The following P2RY12 variants were observed in gnomAD, a reference collection of about 807,000 sequenced individuals.
The protein encoded by P2RY12 is P2Y purinoceptor 12.
In P2RY12, 3 loss-of-function variants were observed where a neutral mutation model predicts 4.5. That is an observed-to-expected ratio of 0.67 (90% CI 0.31 to 1.74). P2RY12 has a LOEUF of 1.74. P2RY12 is among the 40% of genes most tolerant of loss of function. The probability of loss-of-function intolerance (pLI) is 0.09; values close to 1 mark genes in which losing one functional copy is unlikely to be tolerated. For synonymous variants in P2RY12, 148 were observed against 154.1 expected (o/e 0.96, Z 0.29); for missense variants, 356 against 407.8 (o/e 0.87, Z 1.09).
chr3:151,371,713 C>T (rs2108011490), intron 1 of P2RY12, among the ~76,000 whole-genome samples: 1 of 152,268 alleles, frequency 6.6e-6, no homozygotes, highest in Non-Finnish European at 1.5e-5. Context: ...TTGTCAAGGC[C>T]TATGATCCTG....
chr3:151,369,586 AC>A, intron 1 of P2RY12: 1 of 1,357,952 alleles, frequency 7.4e-7, no homozygotes, highest in Non-Finnish European at 1.0e-6. Flanking sequence ...TTGGTTAATC[AC>A]CAGAAATGAA....
chr3:151,374,934 TA>T (rs200230535), intron 1 of P2RY12, among the ~76,000 whole-genome samples: 11 of 151,544 alleles, frequency 7.3e-5, no homozygotes, highest in African/African-American at 2.2e-4. Context: ...AGTTCTCTTA[TA>T]AAAAAAAAGT....
chr3:151,346,948 A>G (rs932866638), intron 1 of P2RY12, among the ~76,000 whole-genome samples: 1 of 152,186 alleles, frequency 6.6e-6, no homozygotes, highest in Non-Finnish European at 1.5e-5. Flanking sequence ...ATAGATTAAT[A>G]ATAATTACTT....
chr3:151,374,181 C>A (rs1577484751), intron 1 of P2RY12, among the ~76,000 whole-genome samples: 1 of 152,138 alleles, frequency 6.6e-6, no homozygotes, highest in East Asian at 1.9e-4. Context: ...TAAAATGTTA[C>A]ACATGGCCGG....
chr3:151,382,072 T>C (rs1380179261), intron 1 of P2RY12, among the ~76,000 whole-genome samples: 1 of 152,186 alleles, frequency 6.6e-6, no homozygotes, highest in African/African-American at 2.4e-5. Flanking sequence ...AATTTTTCCT[T>C]TTCCAGCATT....
At chr3:151,346,989 A>G (rs1752626452) in intron 1 of P2RY12, among the ~76,000 whole-genome samples, 2 of 152,192 alleles carry the variant, frequency 1.3e-5, no homozygotes, top group Non-Finnish European at 2.9e-5. Context: ...TTATTAGTAT[A>G]CATTATAAAT....
intron 1 of P2RY12, chr3:151,378,023 G>C: frequency 6.2e-7 from 1 of 1,603,518 alleles, no homozygotes; most frequent in Non-Finnish European, 8.5e-7. Context: ...TCCTCCGAAC[G>C]CAGGGGTGTA....
At chr3:151,339,001 GA>G (rs1358040892) in intron 2 of P2RY12, 142 bp from the exon 3 acceptor site, 5 of 707,136 alleles carry the variant, frequency 7.1e-6, no homozygotes, top group Non-Finnish European at 1.2e-5. Context: ...TATGAACACA[GA>G]AAACTGAATC....
At chr3:151,343,068 C>G (rs1246795127) in intron 1 of P2RY12, among the ~76,000 whole-genome samples, 1 of 152,066 alleles carries the variant, frequency 6.6e-6, no homozygotes, top group Non-Finnish European at 1.5e-5. Flanking sequence ...CTATCACACC[C>G]TCTCCTCAAC....
chr3:151,350,466 G>C (rs1382082099), intron 1 of P2RY12, among the ~76,000 whole-genome samples: 2 of 151,872 alleles, frequency 1.3e-5, no homozygotes, highest in Non-Finnish European at 2.9e-5. Context: ...GGTAGGTGTA[G>C]GTAATTTATT....
intron 2 of P2RY12, among the ~76,000 whole-genome samples, chr3:151,339,358 A>C (rs1751478836): frequency 6.6e-6 from 1 of 151,944 alleles, no homozygotes; most frequent in South Asian, 2.1e-4. Context: ...TAGAATCCTA[A>C]AGTAATAAAA....
intron 1 of P2RY12, chr3:151,382,596 A>AT: frequency 7.9e-7 from 1 of 1,265,858 alleles, no homozygotes; most frequent in Non-Finnish European, 1.1e-6. Flanking sequence ...ATAAAGCTCA[A>AT]TTTATCTTTA....
In P2RY12 at chr3:151,337,174, ATTTC is replaced by A. The variant is rs750099568; in HGVS notation, c.*639_*642del. The stretch of plus-strand genomic sequence containing the variant: ...GTCTCCTTATTTTAATGACTTCGAT[ATTTC>A]TTCTCTTTATTGTAAAGGTCTTCTT... On this transcript the variant is annotated 3_prime_UTR_variant, in exon 3 of 3. Transcript: ENST00000302632. 1 of 152,052 alleles carries A rather than the reference ATTTC, an allele frequency of 6.6e-6. No individual in the cohort carries two copies. Among genetic ancestry groups the A allele is most frequent in the Admixed American group, 6.6e-5 (1 of 15,242 alleles). The allele number at this position is 152,052 out of a possible 1,614,324, so 9.4% of individuals were successfully genotyped here.
intron 1 of P2RY12, chr3:151,355,183 G>A (rs745431074): frequency 1.2e-6 from 2 of 1,613,980 alleles, no homozygotes; most frequent in Non-Finnish European, 1.7e-6. Flanking sequence ...ACTGGAGACT[G>A]TGTTCACTAA....
rs557043245 is a variant in P2RY12 at position 151,338,482 on chromosome 3, G to A, written c.364C>T (p.Arg122Cys). Reference protein sequence around the residue: ...ISFLGLITIDRYQKTTRPFKT... With the variant: ...ISFLGLITIDCYQKTTRPFKT... Reference sequence around the variant, plus strand: ...AATGGCCTGGTGGTCTTCTGGTAGCGATCGATAGTTATCAGTCCCAGGAAT... The same window carrying A: ...AATGGCCTGGTGGTCTTCTGGTAGCAATCGATAGTTATCAGTCCCAGGAAT... Residue 122 changes from arginine (R) to cysteine (C), a missense_variant, in exon 3 of 3, where the codon CGC becomes TGC. Transcript: ENST00000302632. 51 of 1,613,828 alleles carry A rather than the reference G, an allele frequency of 3.2e-5. No homozygotes were observed. Among genetic ancestry groups the A allele is most frequent in the South Asian group, 2.2e-4 (20 of 91,052 alleles).
chr3:151,374,809 G>A (rs1239359159), intron 1 of P2RY12, among the ~76,000 whole-genome samples: 3 of 152,008 alleles, frequency 2.0e-5, no homozygotes, highest in East Asian at 1.9e-4. Context: ...TTTCAAAAGT[G>A]AAACTATACA....
intron 1 of P2RY12, among the ~76,000 whole-genome samples, chr3:151,373,281 C>A (rs1419421575): frequency 1.3e-5 from 2 of 152,114 alleles, no homozygotes; most frequent in Non-Finnish European, 2.9e-5. Flanking sequence ...ATCTTGAGTT[C>A]TTTCAGGTAA....
intron 1 of P2RY12, chr3:151,355,294 AT>A: frequency 1.6e-6 from 2 of 1,251,104 alleles, no homozygotes; most frequent in Non-Finnish European, 2.3e-6. Context: ...TTACTTAAAA[AT>A]TTTTTTCATG....
intron 1 of P2RY12, among the ~76,000 whole-genome samples, chr3:151,356,409 T>C (rs1318164400): frequency 1.3e-5 from 2 of 151,920 alleles, no homozygotes; most frequent in Non-Finnish European, 2.9e-5. Context: ...AATAAATAAA[T>C]AAAATTTAAA....
Sources: gnomAD v4.1 joint callset for allele counts (sites outside exome capture counted in the v4.1 genomes callset) on GRCh38, gnomAD v4.1.1 for gene constraint, MANE v1.5 for transcripts, NCBI Gene and HGNC (gene_info 2026-07-23, HGNC 2026-07-21) for gene names.